The following VSNL1 variants were observed in gnomAD, a reference collection of about 807,000 sequenced individuals.
VSNL1 encodes visinin-like protein 1.
In VSNL1, 6 loss-of-function variants were observed where a neutral mutation model predicts 20.4. The ratio of observed to expected loss-of-function variants is 0.29; its 90% confidence interval spans 0.16 to 0.58. The LOEUF (loss-of-function observed/expected upper bound fraction) is 0.58, where lower values mean the gene tolerates loss of function less well. VSNL1 is among the 20% of genes least tolerant of loss of function. VSNL1 has a pLI of 0.90. For missense variants in VSNL1, 100 were observed against 234.5 expected (o/e 0.43, Z 3.75); for synonymous variants, 93 against 86.4 (o/e 1.08, Z -0.42).
intron 2 of VSNL1, among the ~76,000 whole-genome samples, chr2:17,607,227 G>T (rs1664964892): frequency 6.6e-6 from 1 of 152,210 alleles, no homozygotes; most frequent in African/African-American, 2.4e-5. Flanking sequence ...TTGCTAGCGA[G>T]TTGATCTGGG....
chr2:17,548,522 G>T (rs1456088427), intron 1 of VSNL1, among the ~76,000 whole-genome samples: 1 of 152,096 alleles, frequency 6.6e-6, no homozygotes, highest in African/African-American at 2.4e-5. Flanking sequence ...TGAAAATAGG[G>T]ATAATGTAGT....
At chr2:17,549,378 A>AT in intron 1 of VSNL1, among the ~76,000 whole-genome samples, 1 of 152,226 alleles carries the variant, frequency 6.6e-6, no homozygotes, top group Admixed American at 6.5e-5. Context: ...ACATACATCC[A>AT]GATAGATAGA....
At chr2:17,566,979 A>T (rs1242236077) in intron 1 of VSNL1, among the ~76,000 whole-genome samples, 1 of 152,130 alleles carries the variant, frequency 6.6e-6, no homozygotes. Flanking sequence ...CCATTATTTT[A>T]TCAGTACCAA....
chr2:17,556,315 A>G (rs1266001448), intron 1 of VSNL1, among the ~76,000 whole-genome samples: 3 of 152,226 alleles, frequency 2.0e-5, no homozygotes, highest in African/African-American at 7.2e-5. Flanking sequence ...CTGAACAACC[A>G]TATATTGGTA....
chr2:17,640,544 A>G (rs1255719290), intron 2 of VSNL1, among the ~76,000 whole-genome samples: 1 of 152,206 alleles, frequency 6.6e-6, no homozygotes, highest in Non-Finnish European at 1.5e-5. Flanking sequence ...AGTTAAAGAT[A>G]TTGCAGTAAC....
At chr2:17,623,859 A>G (rs1665443147) in intron 2 of VSNL1, among the ~76,000 whole-genome samples, 2 of 152,184 alleles carry the variant, frequency 1.3e-5, no homozygotes, top group Non-Finnish European at 2.9e-5. Flanking sequence ...TAAAGAATTA[A>G]TAGCTTACAT....
At chr2:17,540,100 C>A (rs1291692288), upstream of VSNL1, 1 of 152,298 alleles carries the variant, frequency 6.6e-6, no homozygotes, top group Non-Finnish European at 1.5e-5. Context: ...CAGGACCCGG[C>A]TCCCAGTACT....
Position 17,609,127 on chromosome 2 carries a change from G to A in VSNL1, c.162+16891G>A, listed in dbSNP as rs182233058. ...TTTTCTCATGGGGAAAGTCCAAGCC[G>A]GTTTGGTAGCTGTGCTCTGTGAGTC... is the stretch of plus-strand genomic sequence containing the variant. On this transcript the variant is annotated intron_variant, in intron 2 of 3. Transcript: ENST00000295156. Among the ~76,000 whole-genome samples the A allele has an allele frequency of 2.0e-4, 30 of 152,282 alleles. 3 individuals carry two copies. Among genetic ancestry groups the A allele is most frequent in the Admixed American group, 1.8e-3 (28 of 15,302 alleles).
chr2:17,613,299 T>C (rs946541682), intron 2 of VSNL1, among the ~76,000 whole-genome samples: 3 of 152,146 alleles, frequency 2.0e-5, no homozygotes, highest in Non-Finnish European at 4.4e-5. Flanking sequence ...CTAATTGAGA[T>C]AGGAAACAGG....
At chr2:17,609,305 C>G (rs962588205) in intron 2 of VSNL1, among the ~76,000 whole-genome samples, 1 of 152,180 alleles carries the variant, frequency 6.6e-6, no homozygotes, top group Non-Finnish European at 1.5e-5. Context: ...AGGGTCAAGA[C>G]CCAGAAAGAG....
Position 17,655,121 on chromosome 2 carries a change from G to A in VSNL1, c.379-76G>A, listed in dbSNP as rs906457072. On this transcript the variant is annotated intron_variant, in intron 3 of 3. Coordinates refer to ENST00000295156, the MANE Select transcript of VSNL1 (RefSeq NM_003385.5). The surrounding 1 kb of genome is among the most constrained non-coding windows in gnomAD (Gnocchi z 5.2). ...TGGAGGATGGGTGGGATCCCGTCAGGTGAAAGGGAGGCAAGAAGAGCTCTC... is the reference window on the plus strand; with the variant it reads ...TGGAGGATGGGTGGGATCCCGTCAGATGAAAGGGAGGCAAGAAGAGCTCTC... 6.8e-7 allele frequency: 1 copy of A among 1,479,244 alleles called. No homozygotes were observed. The highest frequency in any genetic ancestry group is 1.4e-5 in the African/African-American group (1 of 72,212). 91.6% of individuals were successfully genotyped at this position (1,479,244 alleles called of 1,614,324 possible).
intron 2 of VSNL1, among the ~76,000 whole-genome samples, chr2:17,593,556 G>T (rs924620624): frequency 4.6e-5 from 7 of 151,960 alleles, no homozygotes; most frequent in East Asian, 3.9e-4. Context: ...TGAAATTGGG[G>T]GTATGGCCAT....
chr2:17,598,383 A>G (rs1407108384), intron 2 of VSNL1, among the ~76,000 whole-genome samples: 1 of 152,220 alleles, frequency 6.6e-6, no homozygotes, highest in East Asian at 1.9e-4. Flanking sequence ...AAATGAAAAC[A>G]TTGGTCTATG....
At chr2:17,551,866 C>T (rs970052142) in intron 1 of VSNL1, among the ~76,000 whole-genome samples, 1 of 149,076 alleles carries the variant, frequency 6.7e-6, no homozygotes, top group Non-Finnish European at 1.5e-5. Flanking sequence ...ATCATTTATG[C>T]CTTCTAATAA....
chr2:17,617,080 C>A (rs1442521653), intron 2 of VSNL1, among the ~76,000 whole-genome samples: 1 of 152,198 alleles, frequency 6.6e-6, no homozygotes, highest in Non-Finnish European at 1.5e-5. Flanking sequence ...AATTTATGAT[C>A]TCTCCATGAA....
At chr2:17,544,108 T>A (rs1663356103) in intron 1 of VSNL1, among the ~76,000 whole-genome samples, 1 of 152,196 alleles carries the variant, frequency 6.6e-6, no homozygotes, top group African/African-American at 2.4e-5. Flanking sequence ...CCAGAGGAAG[T>A]CCCACTTGGG....
intron 2 of VSNL1, among the ~76,000 whole-genome samples, chr2:17,607,422 AACACCCTGTTCAAGGG>A (rs1413884791): frequency 1.3e-5 from 2 of 152,260 alleles, no homozygotes; most frequent in East Asian, 3.8e-4. Flanking sequence ...GATGGGAGTG[AACACCCTGTTCAAGGG>A]ACAGAATGAA....
chr2:17,640,569 C>A (rs1379505683), intron 2 of VSNL1, among the ~76,000 whole-genome samples: 1 of 152,186 alleles, frequency 6.6e-6, no homozygotes, highest in African/African-American at 2.4e-5. Flanking sequence ...GACAGGAATA[C>A]ATTTAGGAGA....
At chr2:17,589,059 G>T (rs1015675707) in intron 1 of VSNL1, among the ~76,000 whole-genome samples, 1 of 152,150 alleles carries the variant, frequency 6.6e-6, no homozygotes, top group Non-Finnish European at 1.5e-5. Flanking sequence ...TAAGAGAATG[G>T]GTGCCTAAGT....
Sources: gnomAD v4.1 joint callset for allele counts (sites outside exome capture counted in the v4.1 genomes callset) on GRCh38, gnomAD v4.1.1 for gene constraint, Gnocchi (gnomAD v3.1) non-coding constraint, MANE v1.5 for transcripts, NCBI Gene and HGNC (gene_info 2026-07-23, HGNC 2026-07-21) for gene names.